TMOD1: variants seen among roughly 807,000 people sequenced by gnomAD.
TMOD1 encodes the protein tropomodulin-1.
Under a neutral mutation model 40.6 loss-of-function variants are expected in TMOD1, and 17 were observed. The ratio of observed to expected loss-of-function variants is 0.42; its 90% CI spans 0.29 to 0.63. TMOD1 has a LOEUF of 0.63. TMOD1 is among the 20% of genes least tolerant of loss of function. TMOD1 has a pLI of 0.22. For missense variants in TMOD1, 391 were observed against 447.6 expected, an observed-to-expected ratio of 0.87 and a Z score of 1.14; for synonymous variants, 181 against 175.0, an observed-to-expected ratio of 1.03 and a Z score of -0.27.
intron 1 of TMOD1, among the ~76,000 whole-genome samples, chr9:97,521,691 G>A (rs879589247): frequency 1.3e-5 from 2 of 152,214 alleles, no homozygotes; most frequent in South Asian, 2.1e-4. Context: ...CAAAGAGGAC[G>A]TTAGGCCAAG....
intron 1 of TMOD1, among the ~76,000 whole-genome samples, chr9:97,511,083 CAG>C (rs1245908435): frequency 9.9e-6 from 1 of 101,220 alleles, no homozygotes; most frequent in East Asian, 2.8e-4. Context: ...CACACACACA[CAG>C]ACACACACAC....
intron 1 of TMOD1, among the ~76,000 whole-genome samples, chr9:97,519,033 TCTTC>T (rs1829873860): frequency 6.6e-6 from 1 of 152,258 alleles, no homozygotes; most frequent in African/African-American, 2.4e-5. Flanking sequence ...GTGACTCAGC[TCTTC>T]CTGAGCTCAA....
At chr9:97,565,799 T>A (rs769919303) in intron 6 of TMOD1, 49 bp from the exon 7 acceptor site, 1 of 1,481,372 alleles carries the variant, frequency 6.8e-7, no homozygotes, top group Non-Finnish European at 9.4e-7. Context: ...CCTCAGCCTG[T>A]CCCAGAGGAG....
chr9:97,545,574 G>A (rs550926629), intron 2 of TMOD1, among the ~76,000 whole-genome samples: 1 of 152,336 alleles, frequency 6.6e-6, no homozygotes, highest in African/African-American at 2.4e-5. Context: ...AGAAGGCAGC[G>A]GGTAGGGCCA....
chr9:97,529,265 C>T (rs534922439), intron 2 of TMOD1, among the ~76,000 whole-genome samples: 37 of 152,256 alleles, frequency 2.4e-4, no homozygotes, highest in Middle Eastern at 3.4e-3. Context: ...GACTTGGGTA[C>T]GTGATTTTCC....
Position 97,531,039 on chromosome 9 carries a change from C to CCG in TMOD1, c.120+6732_120+6733insGC, listed in dbSNP as rs1554754344. Among the ~76,000 whole-genome samples the CCG allele has an allele frequency of 2.5e-4, 34 of 138,490 alleles. 3 individuals carry two copies. The highest frequency in any genetic ancestry group is 7.6e-4 in the African/African-American group (29 of 38,174). The allele number at this position is 138,490 out of a possible 152,430, so 90.9% of individuals were successfully genotyped here. The stretch of plus-strand genomic sequence containing the variant: ...CTGACCTTAGGTGATCCACACCCAC[C>CCG]CCCCCCACCACCCCTTGGCCTCCCA... On this transcript the variant is annotated intron_variant, in intron 2 of 9. Transcript: ENST00000259365.
intron 2 of TMOD1, among the ~76,000 whole-genome samples, chr9:97,537,846 A>G (rs1335355792): frequency 2.0e-5 from 3 of 152,246 alleles, no homozygotes; most frequent in Non-Finnish European, 4.4e-5. Flanking sequence ...ATATTTGAGA[A>G]ATAAATGAAT....
chr9:97,576,915 A>T (rs1174963616), intron 8 of TMOD1, among the ~76,000 whole-genome samples: 1 of 152,158 alleles, frequency 6.6e-6, no homozygotes, highest in Non-Finnish European at 1.5e-5. Flanking sequence ...CTGGGATTAC[A>T]GGCGTGAGCC....
intron 3 of TMOD1, among the ~76,000 whole-genome samples, chr9:97,546,929 CAAAAA>C (rs71308254): frequency 9.1e-5 from 5 of 55,186 alleles, no homozygotes; most frequent in African/African-American, 2.9e-4. Flanking sequence ...ACTCCGTCTC[CAAAAA>C]AAAAAAAAAA....
intron 4 of TMOD1, 148 bp from the exon 5 acceptor site, chr9:97,562,584 A>G: frequency 1.7e-6 from 1 of 580,434 alleles, no homozygotes; most frequent in Admixed American, 3.3e-5. Context: ...TAGAGGTGAG[A>G]GTAAAAGTAA....
chr9:97,545,604 A>T (rs769742069), intron 2 of TMOD1, among the ~76,000 whole-genome samples: 29 of 152,260 alleles, frequency 1.9e-4, no homozygotes, highest in Admixed American at 1.4e-3. Context: ...GTGGCCAGAG[A>T]GCATGCCCCG....
chr9:97,596,680 C>T (rs1826119424), intron 9 of TMOD1, among the ~76,000 whole-genome samples: 1 of 152,230 alleles, frequency 6.6e-6, no homozygotes, highest in Non-Finnish European at 1.5e-5. Flanking sequence ...ACATCTCCAA[C>T]AAGCCATCCC....
At chr9:97,547,237 A>G (rs576053509) in intron 3 of TMOD1, among the ~76,000 whole-genome samples, 6 of 141,146 alleles carry the variant, frequency 4.3e-5, no homozygotes, top group African/African-American at 1.6e-4. Flanking sequence ...CCCTCATCCC[A>G]TTGTTCCACA....
chr9:97,571,284 C>T (rs1166033624), intron 8 of TMOD1, among the ~76,000 whole-genome samples: 1 of 152,212 alleles, frequency 6.6e-6, no homozygotes, highest in Non-Finnish European at 1.5e-5. Flanking sequence ...TTGCCCCTTC[C>T]CTCCACACAC....
chr9:97,503,852 GTC>G (rs1410758817), intron 1 of TMOD1, among the ~76,000 whole-genome samples: 3 of 152,226 alleles, frequency 2.0e-5, no homozygotes, highest in African/African-American at 7.2e-5. Context: ...AGACAAGGTG[GTC>G]TCTAGTGGAC....
intron 1 of TMOD1, among the ~76,000 whole-genome samples, chr9:97,517,473 A>G (rs951904971): frequency 6.6e-6 from 1 of 152,098 alleles, no homozygotes; most frequent in East Asian, 1.9e-4. Context: ...AGGAGCTGCA[A>G]ACCAGGCCAG....
rs566458053 is a variant in TMOD1, at chr9:97,578,816, G to C, written c.870+9779G>C. On this transcript the variant is annotated intron_variant, in intron 8 of 9. Coordinates refer to ENST00000259365, the MANE Select transcript of TMOD1 (RefSeq NM_003275.4). The stretch of plus-strand genomic sequence containing the variant: ...TGCAGAGGCAGTCCTCGAAGTCCCT[G>C]GTAGCCCCTTCACTCAGGGGAGACC... 2.0e-5 allele frequency among the ~76,000 whole-genome samples: 3 copies of C among 152,344 alleles called. No homozygotes were observed. In the South Asian group the frequency reaches 6.2e-4, roughly 32 times the overall value.
At chr9:97,559,831 C>A (rs375083554) in intron 4 of TMOD1, among the ~76,000 whole-genome samples, 4,569 of 34,502 alleles carry the variant, frequency 0.13, 255 homozygotes, top group Middle Eastern at 0.2. Flanking sequence ...ATATGTCTAT[C>A]TATCTATCTA....
At chr9:97,550,964 C>T (rs1022406891) in intron 3 of TMOD1, among the ~76,000 whole-genome samples, 2 of 143,932 alleles carry the variant, frequency 1.4e-5, no homozygotes, top group African/African-American at 2.6e-5. Context: ...GTCATAGAGA[C>T]ATAACCTTAT....
Sources: allele counts gnomAD v4.1 joint callset (sites outside exome capture counted in the v4.1 genomes callset), GRCh38; gene constraint gnomAD v4.1.1; transcripts MANE v1.5; gene names NCBI Gene and HGNC (gene_info 2026-07-23, HGNC 2026-07-21).